LRBA: variants seen among roughly 807,000 people sequenced by gnomAD.
LRBA encodes the protein LPS responsive beige-like anchor protein, also known as lipopolysaccharide-responsive and beige-like anchor protein.
LRBA carries 176 observed loss-of-function variants against 330.0 expected under a neutral mutation model. The ratio of observed to expected loss-of-function variants is 0.53; its 90% confidence interval spans 0.47 to 0.60. LRBA has a LOEUF of 0.60. Among genes scored for constraint, LRBA ranks in the 20% least tolerant of loss-of-function variants. The pLI, the probability that LRBA is intolerant of heterozygous loss-of-function variation, is 0.00. For missense variants in LRBA, 3,259 were observed against 3,444.8 expected (o/e 0.95, Z 1.35); for synonymous variants, 1,230 against 1,193.0 (o/e 1.03, Z -0.64).
intron 31 of LRBA, 95 bp from the exon 32 acceptor site, chr4:150,808,493 T>C (rs1015248973): frequency 1.4e-6 from 1 of 695,714 alleles, no homozygotes; most frequent in African/African-American, 1.8e-5. Flanking sequence ...AATAAAAGCA[T>C]TATAACGTAT....
intron 40 of LRBA, among the ~76,000 whole-genome samples, chr4:150,533,058 C>G (rs1464389519): frequency 6.6e-6 from 1 of 152,162 alleles, no homozygotes; most frequent in East Asian, 1.9e-4. Context: ...GGCTTATTGT[C>G]TATTATCTTT....
intron 49 of LRBA, 127 bp downstream of exon 49, chr4:150,325,682 A>G: frequency 3.0e-6 from 2 of 657,426 alleles, no homozygotes; most frequent in Non-Finnish European, 5.5e-6. Flanking sequence ...TAGCAGGTTA[A>G]CAAATATTGC....
At chr4:150,319,344 G>A (rs898739985) in intron 50 of LRBA, among the ~76,000 whole-genome samples, 1 of 152,124 alleles carries the variant, frequency 6.6e-6, no homozygotes. Context: ...CCCAGGATAA[G>A]CATCATCATT....
intron 2 of LRBA, among the ~76,000 whole-genome samples, chr4:150,987,981 G>GA (rs1353334575): frequency 1.4e-5 from 2 of 145,400 alleles, no homozygotes; most frequent in Non-Finnish European, 3.0e-5. Flanking sequence ...CAGCCTGGGT[G>GA]ACAGAGCAAG....
chr4:150,776,628 C>T (rs1737366633), intron 34 of LRBA, among the ~76,000 whole-genome samples: 2 of 151,990 alleles, frequency 1.3e-5, no homozygotes, highest in Non-Finnish European at 2.9e-5. Flanking sequence ...AGCCTGGCAA[C>T]ATGGTGAAAC....
intron 34 of LRBA, among the ~76,000 whole-genome samples, chr4:150,797,130 T>C (rs1740898574): frequency 6.6e-6 from 1 of 151,980 alleles, no homozygotes; most frequent in South Asian, 2.1e-4. Context: ...TTTTCACACC[T>C]TCTATGATTC....
intron 40 of LRBA, among the ~76,000 whole-genome samples, chr4:150,561,760 A>G (rs1457150435): frequency 6.6e-6 from 1 of 152,192 alleles, no homozygotes; most frequent in Non-Finnish European, 1.5e-5. Flanking sequence ...TTATAGCAGC[A>G]ACAGAAAATT....
chr4:150,933,948 C>T (rs937177839), intron 2 of LRBA, among the ~76,000 whole-genome samples: 2 of 151,482 alleles, frequency 1.3e-5, no homozygotes, highest in East Asian at 1.9e-4. Context: ...GGCTTGAGTC[C>T]GAAAGGCAGA....
chr4:150,861,270 G>GGTGTGTGTGTGTGTGT lies in LRBA; in HGVS notation c.2766+6385_2766+6400dup, dbSNP rs35115144. ...GGTGCATGCCACCATCCCAGCTAAT[G>GGTGTGTGTGTGTGTGT]GTGTGTGTGTGTGTGTGTGTGTGTG... On this transcript the variant is annotated intron_variant, in intron 22 of 56. Coordinates refer to ENST00000651943, the MANE Select transcript of LRBA (RefSeq NM_001364905.1). Among the ~76,000 whole-genome samples the GGTGTGTGTGTGTGTGT allele has an allele frequency of 6.0e-3, 825 of 137,860 alleles. 14 individuals carry two copies. The highest frequency in any genetic ancestry group is 0.021 in the African/African-American group (775 of 36,434). 90.4% of individuals were successfully genotyped at this position (137,860 alleles called of 152,430 possible). A position where few individuals can be genotyped will look rare whatever the true frequency, so the allele number is the denominator to read the frequency against.
chr4:150,298,938 C>T (rs1729307350), intron 53 of LRBA, among the ~76,000 whole-genome samples: 1 of 151,984 alleles, frequency 6.6e-6, no homozygotes, highest in Non-Finnish European at 1.5e-5. Flanking sequence ...ACCTAATAAA[C>T]ATTTAATTTT....
intron 44 of LRBA, among the ~76,000 whole-genome samples, chr4:150,451,416 C>G (rs987798625): frequency 2.0e-5 from 3 of 151,954 alleles, no homozygotes; most frequent in African/African-American, 7.3e-5. Context: ...CTGACAAATC[C>G]CCAAATACAT....
intron 37 of LRBA, among the ~76,000 whole-genome samples, chr4:150,604,410 A>AAC: frequency 6.6e-6 from 1 of 151,822 alleles, no homozygotes. Flanking sequence ...TCTCCAAAAA[A>AAC]AAAAAGGAAT....
chr4:150,408,335 G>GA (rs1173901506), intron 47 of LRBA, among the ~76,000 whole-genome samples: 5 of 151,660 alleles, frequency 3.3e-5, no homozygotes, highest in African/African-American at 1.2e-4. Flanking sequence ...ATAGATTCAA[G>GA]AAAAAATTTA....
chr4:150,632,275 A>T (rs1053746027), intron 37 of LRBA, among the ~76,000 whole-genome samples: 18 of 151,486 alleles, frequency 1.2e-4, no homozygotes, highest in African/African-American at 1.9e-4. Flanking sequence ...GCTAGCAGAG[A>T]TTAGGATCAC....
chr4:150,426,518 C>T (rs966162063), intron 46 of LRBA, among the ~76,000 whole-genome samples: 7 of 151,794 alleles, frequency 4.6e-5, no homozygotes, highest in African/African-American at 9.7e-5. Context: ...ACCTCAATTG[C>T]CATTTCAAAA....
At chr4:150,756,389 T>A (rs1734309130) in intron 35 of LRBA, among the ~76,000 whole-genome samples, 1 of 152,144 alleles carries the variant, frequency 6.6e-6, no homozygotes, top group Non-Finnish European at 1.5e-5. Context: ...AATACTGAGA[T>A]ACTAAATTTT....
At chr4:150,545,191 C>G (rs1057485077) in intron 40 of LRBA, among the ~76,000 whole-genome samples, 1 of 152,102 alleles carries the variant, frequency 6.6e-6, no homozygotes, top group Non-Finnish European at 1.5e-5. Flanking sequence ...ATACCATAAT[C>G]AAGGTAATCT....
At chr4:150,474,865 A>C (rs970385212) in intron 42 of LRBA, among the ~76,000 whole-genome samples, 1 of 152,148 alleles carries the variant, frequency 6.6e-6, no homozygotes, top group Non-Finnish European at 1.5e-5. Context: ...TTACCCTCCT[A>C]AACTTAGGGG....
chr4:150,690,079 T>C (rs550884528), intron 36 of LRBA, among the ~76,000 whole-genome samples: 42 of 152,208 alleles, frequency 2.8e-4, no homozygotes, highest in Admixed American at 4.6e-4. Context: ...AATTTATGTA[T>C]ACAAAATATA....
Sources: allele counts gnomAD v4.1 joint callset (sites outside exome capture counted in the v4.1 genomes callset), GRCh38; gene constraint gnomAD v4.1.1; transcripts MANE v1.5; gene names NCBI Gene and HGNC (gene_info 2026-07-23, HGNC 2026-07-21).